MLPH: variants seen among roughly 807,000 people sequenced by gnomAD.
MLPH encodes melanophilin.
In MLPH, 51 loss-of-function variants were observed where a neutral mutation model predicts 72.1. The observed-to-expected ratio is 0.71, with a 90% CI of 0.56 to 0.89. The LOEUF is 0.89. MLPH is among the 40% of genes least tolerant of loss of function. The pLI is 0.00. For missense variants in MLPH, 743 were observed against 759.9 expected, an observed-to-expected ratio of 0.98 and a Z score of 0.26; for synonymous variants, 301 against 310.1, an observed-to-expected ratio of 0.97 and a Z score of 0.31.
chr2:237,516,997 GTGGATGGATGGATGGA>G (rs4053461), intron 4 of MLPH, among the ~76,000 whole-genome samples: 35 of 130,860 alleles, frequency 2.7e-4, no homozygotes, highest in Admixed American at 1.1e-3. Context: ...TGGTAGGTGA[GTGGATGGATGGATGGA>G]TGGATGGATG....
chr2:237,501,663 C>CCAAA (rs1559337749), intron 2 of MLPH, among the ~76,000 whole-genome samples: 1 of 101,664 alleles, frequency 9.8e-6, no homozygotes, highest in African/African-American at 3.5e-5. Context: ...CACGTCTCTA[C>CCAAA]TAAAAAAAAA....
Position 237,541,034 on chromosome 2 carries a change from C to T in MLPH, c.1446+77C>T. 6.6e-7 allele frequency: 1 copy of T among 1,514,894 alleles called. No individual in the cohort carries two copies. Among genetic ancestry groups the T allele is most frequent in the Non-Finnish European group, 9.0e-7 (1 of 1,116,030 alleles). 93.8% of individuals were successfully genotyped at this position (1,514,894 alleles called of 1,614,324 possible). On this transcript the variant is annotated intron_variant, in intron 11 of 15. Coordinates refer to ENST00000264605, the MANE Select transcript of MLPH (RefSeq NM_024101.7). This position sits in a 1 kb window ranked among gnomAD's most constrained non-coding sequence, Gnocchi z 5.1. Reference sequence around the variant, plus strand: ...CCACACCCAGGCCTTGAACATCTGCCAGCTCTAACATCCGCCAGCTCACAC... The same window carrying T: ...CCACACCCAGGCCTTGAACATCTGCTAGCTCTAACATCCGCCAGCTCACAC...
chr2:237,525,567 C>T (rs140124890), intron 6 of MLPH, 34 bp from the exon 7 acceptor site: 2 of 1,607,552 alleles, frequency 1.2e-6, no homozygotes, highest in Admixed American at 1.7e-5. Flanking sequence ...CCTAGTAAAC[C>T]CTGCAGAGGA....
chr2:237,499,062 C>T (rs1029019016), intron 2 of MLPH, among the ~76,000 whole-genome samples: 3 of 148,996 alleles, frequency 2.0e-5, no homozygotes, highest in Non-Finnish European at 4.4e-5. Context: ...GAATAAATTG[C>T]CAATGACAGA....
At chr2:237,527,267 T>A in intron 7 of MLPH, 110 bp from the exon 8 acceptor site, 4 of 1,373,556 alleles carry the variant, frequency 2.9e-6, no homozygotes, top group Non-Finnish European at 4.1e-6. Flanking sequence ...AACATGAACA[T>A]CCTTATGTCT....
In MLPH at chr2:237,548,204, C is replaced by A. The variant is rs1428978286; in HGVS notation, c.1618-1017C>A. On this transcript the variant is annotated intron_variant, in intron 13 of 15. Coordinates refer to ENST00000264605, the MANE Select transcript of MLPH (RefSeq NM_024101.7). ...CAGCCCAGGCCATGCCTGACACCCA[C>A]ACTCTTCTCTGGTGGGGGCGCTTCC... 2.0e-5 allele frequency among the ~76,000 whole-genome samples: 3 copies of A among 152,206 alleles called. No homozygotes were observed. The East Asian group carries it at 5.8e-4, about 29-fold the overall frequency.
Position 237,554,826 on chromosome 2 carries a change from G to C in MLPH, c.*1234G>C, listed in dbSNP as rs1054824067. 29 of 152,192 alleles carry C rather than the reference G, an allele frequency of 1.9e-4. 1 individual carries two copies. Among genetic ancestry groups the C allele is most frequent in the Admixed American group, 9.2e-4 (14 of 15,274 alleles). 9.4% of individuals were successfully genotyped at this position (152,192 alleles called of 1,614,324 possible). On this transcript the variant is annotated 3_prime_UTR_variant, in exon 16 of 16. Coordinates refer to ENST00000264605, the MANE Select transcript of MLPH (RefSeq NM_024101.7). ...TTAAAACTAAGGTTTGAATCTCAAA[G>C]TGTTGCTGGGAGGCTGATACTCCTG...
chr2:237,549,035 C>T (rs1245397062), intron 13 of MLPH, among the ~76,000 whole-genome samples, 186 bp from the exon 14 acceptor site: 1 of 152,228 alleles, frequency 6.6e-6, no homozygotes, highest in South Asian at 2.1e-4. Context: ...TTATTTCAGG[C>T]ATTTCATGCT....
chr2:237,502,043 TCA>T (rs1158637647), intron 2 of MLPH, among the ~76,000 whole-genome samples: 3 of 152,184 alleles, frequency 2.0e-5, no homozygotes, highest in African/African-American at 4.8e-5. Flanking sequence ...GTGGAATTTT[TCA>T]CAGTCTGGAG....
intron 1 of MLPH, among the ~76,000 whole-genome samples, chr2:237,492,155 C>T (rs957625249): frequency 6.6e-6 from 1 of 152,194 alleles, no homozygotes; most frequent in African/African-American, 2.4e-5. Context: ...TTCTAAGGTT[C>T]CACCTATCTT....
intron 14 of MLPH, among the ~76,000 whole-genome samples, chr2:237,550,368 T>C (rs1363534600): frequency 1.3e-5 from 2 of 152,202 alleles, no homozygotes; most frequent in African/African-American, 4.8e-5. Flanking sequence ...AATCCTGGGA[T>C]ACAGCTGGTG....
chr2:237,534,696 T>C (rs777513796), intron 9 of MLPH, 49 bp downstream of exon 9: 6 of 1,435,208 alleles, frequency 4.2e-6, no homozygotes, highest in Non-Finnish European at 5.9e-6. Context: ...AGCTCCTTAG[T>C]TAAAGGAGGC....
intron 8 of MLPH, 31 bp from the exon 9 acceptor site, chr2:237,534,533 T>C: frequency 6.3e-7 from 1 of 1,591,990 alleles, no homozygotes; most frequent in Non-Finnish European, 8.6e-7. Flanking sequence ...CACTGGGTCC[T>C]CTGCCCACTG....
chr2:237,489,734 C>T (rs776016242), intron 1 of MLPH, among the ~76,000 whole-genome samples: 114 of 152,174 alleles, frequency 7.5e-4, no homozygotes, highest in Non-Finnish European at 6.8e-4. Context: ...ACCATTGTTC[C>T]AAGGCTCCCC....
In MLPH at chr2:237,510,469, G is replaced by A; in HGVS notation, c.111-105G>A. The A allele has an allele frequency of 2.9e-6, 3 of 1,044,832 alleles. No individual in the cohort carries two copies. Among genetic ancestry groups the A allele is most frequent in the Middle Eastern group, 2.1e-4 (1 of 4,730 alleles). 64.7% of individuals were successfully genotyped at this position (1,044,832 alleles called of 1,614,324 possible). ...CATAGGAGACAGTTACTGTGTGTGT[G>A]TATGTGTCTGTGTCTGTGTGTGTGT... On this transcript the variant is annotated intron_variant, in intron 2 of 15. Transcript: ENST00000264605. The surrounding 1 kb of genome is among the most constrained non-coding windows in gnomAD (Gnocchi z 4.4).
At chr2:237,553,519 C>G in intron 15 of MLPH, 47 bp from the exon 16 acceptor site, 1 of 1,580,726 alleles carries the variant, frequency 6.3e-7, no homozygotes, top group Non-Finnish European at 8.7e-7. Context: ...TGTTACATGC[C>G]TGTGTATGTG....
In MLPH at chr2:237,493,442, G is replaced by A. The variant is rs1337744983; in HGVS notation, c.16G>A (p.Asp6Asn). 3 of 1,613,862 alleles carry A rather than the reference G, an allele frequency of 1.9e-6. No homozygotes were observed. Among genetic ancestry groups the A allele is most frequent in the Non-Finnish European group, 2.5e-6 (3 of 1,179,896 alleles). ...AGAAGCAGAAATGGGGAAGAAACTG[G>A]ATCTTTCCAAGCTCACTGATGAAGA... MGKKLDLSKLTDEEAQ... is the reference protein window; with the variant it reads MGKKLNLSKLTDEEAQ... The change falls in exon 2 of 16, where the codon GAT becomes AAT. Residue 6 changes from aspartate (D) to asparagine (N), a missense_variant. By Grantham distance (23) the Asp-to-Asn change is conservative. Coordinates refer to ENST00000264605, the MANE Select transcript of MLPH (RefSeq NM_024101.7).
chr2:237,526,352 G>C (rs917634426), intron 7 of MLPH, among the ~76,000 whole-genome samples: 1 of 152,170 alleles, frequency 6.6e-6, no homozygotes, highest in Non-Finnish European at 1.5e-5. Context: ...CGGAACAGGA[G>C]CAAGTAAGAT....
chr2:237,516,997 GTGGATGGATGGATGGATGGA>G (rs4053461), intron 4 of MLPH, among the ~76,000 whole-genome samples: 27 of 130,736 alleles, frequency 2.1e-4, no homozygotes, highest in African/African-American at 8.0e-4. Flanking sequence ...TGGTAGGTGA[GTGGATGGATGGATGGATGGA>G]TGGATGGATG....
Sources: allele counts gnomAD v4.1 joint callset (sites outside exome capture counted in the v4.1 genomes callset), GRCh38; gene constraint gnomAD v4.1.1; non-coding constraint Gnocchi (gnomAD v3.1); transcripts MANE v1.5; gene names NCBI Gene and HGNC (gene_info 2026-07-23, HGNC 2026-07-21).